RPS6KC1: variants seen among roughly 807,000 people sequenced by gnomAD.
RPS6KC1 encodes inactive ribosomal protein S6 kinase delta-1.
In RPS6KC1, 54 loss-of-function variants were observed where a neutral mutation model predicts 103.8. The ratio of observed to expected loss-of-function variants is 0.52; its 90% CI spans 0.42 to 0.65. RPS6KC1 has a LOEUF of 0.65. Ranked by LOEUF, RPS6KC1 falls within the 30% of genes least tolerant of loss-of-function variation. The pLI is 0.00. For missense variants in RPS6KC1, 1,151 were observed against 1,253.8 expected, an observed-to-expected ratio of 0.92 and a Z score of 1.24; for synonymous variants, 439 against 438.7, an observed-to-expected ratio of 1.00 and a Z score of -0.01.
the RPS6KC1 span, among the ~76,000 whole-genome samples, chr1:213,651,297 G>A: frequency 6.6e-6 from 1 of 152,200 alleles, no homozygotes; most frequent in African/African-American, 2.4e-5. Flanking sequence ...GGCACCTGGT[G>A]GGGGAGATTG....
At chr1:213,789,019 G>A in the RPS6KC1 span, among the ~76,000 whole-genome samples, 1 of 152,268 alleles carries the variant, frequency 6.6e-6, no homozygotes, top group South Asian at 2.1e-4. Context: ...GAAAACTAGG[G>A]CCCAAGTCTC....
intron 3 of RPS6KC1, among the ~76,000 whole-genome samples, chr1:213,095,288 A>G (rs1035333917): frequency 3.3e-5 from 5 of 152,222 alleles, no homozygotes; most frequent in Non-Finnish European, 7.3e-5. Flanking sequence ...TGAACTTTTG[A>G]TATAGTTAAG....
At chr1:213,266,061 A>G (rs531309152) in intron 14 of RPS6KC1, among the ~76,000 whole-genome samples, 6 of 152,352 alleles carry the variant, frequency 3.9e-5, no homozygotes, top group South Asian at 4.1e-4. Context: ...AGTACCTGGC[A>G]TGTGATAAGT....
downstream of RPS6KC1, among the ~76,000 whole-genome samples, chr1:213,278,686 C>T (rs2095117168): frequency 6.6e-6 from 1 of 152,194 alleles, no homozygotes; most frequent in South Asian, 2.1e-4. Flanking sequence ...AAAGATATGG[C>T]ACCTGCCTTC....
chr1:213,474,567 T>C, the RPS6KC1 span, among the ~76,000 whole-genome samples: 1 of 152,242 alleles, frequency 6.6e-6, no homozygotes, highest in East Asian at 1.9e-4. Flanking sequence ...GTATTTCTGT[T>C]TGGGTGCAAA....
At chr1:213,399,607 C>T in the RPS6KC1 span, among the ~76,000 whole-genome samples, 1 of 152,094 alleles carries the variant, frequency 6.6e-6, no homozygotes, top group Non-Finnish European at 1.5e-5. Flanking sequence ...GATATCCAGA[C>T]CTCGAACTGA....
At chr1:213,363,715 TTTCTTTCTTTCG>T in the RPS6KC1 span, among the ~76,000 whole-genome samples, 21 of 118,058 alleles carry the variant, frequency 1.8e-4, 2 homozygotes, top group South Asian at 1.5e-3. Context: ...TCTTTCTTTC[TTTCTTTCTTTCG>T]TTCTTTCTTT....
the RPS6KC1 span, among the ~76,000 whole-genome samples, chr1:213,555,937 G>A: frequency 6.6e-6 from 1 of 152,094 alleles, no homozygotes; most frequent in Middle Eastern, 3.2e-3. Flanking sequence ...GCCAGAATGG[G>A]GTATGAGACT....
the RPS6KC1 span, among the ~76,000 whole-genome samples, chr1:213,412,190 T>C: frequency 6.6e-6 from 1 of 152,190 alleles, no homozygotes; most frequent in Admixed American, 6.5e-5. Context: ...TGACAGGCCA[T>C]GGTGTGGCAT....
chr1:213,338,147 G>T, the RPS6KC1 span, among the ~76,000 whole-genome samples: 107 of 152,262 alleles, frequency 7.0e-4, 1 homozygote, highest in Non-Finnish European at 7.2e-4. Context: ...AATTATGAAT[G>T]AATCTTAGGC....
chr1:213,309,490 G>A, the RPS6KC1 span, among the ~76,000 whole-genome samples: 1 of 152,194 alleles, frequency 6.6e-6, no homozygotes, highest in Non-Finnish European at 1.5e-5. Context: ...AAGTATCGGA[G>A]TTCATAGGAA....
the RPS6KC1 span, among the ~76,000 whole-genome samples, chr1:213,744,917 A>T: frequency 1.3e-5 from 2 of 152,256 alleles, no homozygotes; most frequent in East Asian, 1.9e-4. Context: ...CTGCTGACCC[A>T]GATAAGCAGA....
the RPS6KC1 span, among the ~76,000 whole-genome samples, chr1:213,720,773 A>G: frequency 6.6e-6 from 1 of 152,162 alleles, no homozygotes; most frequent in Non-Finnish European, 1.5e-5. Context: ...GCTTACCCAC[A>G]CATCTTGTGT....
the RPS6KC1 span, among the ~76,000 whole-genome samples, chr1:213,620,209 C>T: frequency 2.6e-4 from 40 of 152,310 alleles, no homozygotes; most frequent in Admixed American, 4.6e-4. Flanking sequence ...ATTATATTTC[C>T]CCGATATTAT....
At chr1:213,112,576 T>C (rs954314580) in intron 4 of RPS6KC1, among the ~76,000 whole-genome samples, 1 of 151,692 alleles carries the variant, frequency 6.6e-6, no homozygotes, top group African/African-American at 2.4e-5. Context: ...TATTTATTAT[T>C]ATTATACTTT....
intron 12 of RPS6KC1, among the ~76,000 whole-genome samples, chr1:213,254,026 T>A (rs951516527): frequency 6.6e-6 from 1 of 152,214 alleles, no homozygotes; most frequent in Non-Finnish European, 1.5e-5. Context: ...ACAGCATTAT[T>A]TTTCTGAAAA....
the RPS6KC1 span, among the ~76,000 whole-genome samples, chr1:213,761,656 T>C: frequency 6.6e-6 from 1 of 152,204 alleles, no homozygotes; most frequent in African/African-American, 2.4e-5. Flanking sequence ...TCCAAATGGC[T>C]CAGTGCCTCC....
At chr1:213,262,195 AAAATGAAGG>A (rs749527396) in intron 13 of RPS6KC1, among the ~76,000 whole-genome samples, 8 of 152,166 alleles carry the variant, frequency 5.3e-5, no homozygotes, top group Admixed American at 3.9e-4. Context: ...TCCTGGGAAG[AAAATGAAGG>A]AAATGAAGGA....
the RPS6KC1 span, chr1:213,835,759 C>T: frequency 6.6e-6 from 1 of 151,998 alleles, no homozygotes; most frequent in Non-Finnish European, 1.5e-5. Flanking sequence ...AAGTTCCTCA[C>T]TTGAGGGGGA....
Sources: gnomAD v4.1 joint callset for allele counts (sites outside exome capture counted in the v4.1 genomes callset) on GRCh38, gnomAD v4.1.1 for gene constraint, MANE v1.5 for transcripts, NCBI Gene and HGNC (gene_info 2026-07-23, HGNC 2026-07-21) for gene names.